The following KCNIP4 variants were observed in gnomAD, a reference collection of about 807,000 sequenced individuals.
KCNIP4 encodes Kv channel-interacting protein 4.
KCNIP4 carries 12 observed loss-of-function variants against 34.0 expected under a neutral mutation model. That is an observed-to-expected ratio of 0.35 (90% confidence interval 0.23 to 0.57). The LOEUF is 0.57. Ranked by LOEUF, KCNIP4 falls within the 20% of genes least tolerant of loss-of-function variation. The pLI is 0.83. For missense variants in KCNIP4, 238 were observed against 311.7 expected, an observed-to-expected ratio of 0.76 and a Z score of 1.78; for synonymous variants, 124 against 102.2, an observed-to-expected ratio of 1.21 and a Z score of -1.29.
chr4:21,061,544 A>C (rs1743916719), intron 1 of KCNIP4, among the ~76,000 whole-genome samples: 1 of 152,288 alleles, frequency 6.6e-6, no homozygotes. Flanking sequence ...TAGATGGAGA[A>C]GCAAGTAGAA....
intron 1 of KCNIP4, among the ~76,000 whole-genome samples, chr4:21,475,712 A>G (rs1250305487): frequency 6.6e-6 from 1 of 152,174 alleles, no homozygotes; most frequent in Non-Finnish European, 1.5e-5. Context: ...TCGCAGCTAC[A>G]GAGATGAAAG....
At chr4:21,918,122 C>G (rs28458895) in intron 1 of KCNIP4, among the ~76,000 whole-genome samples, 20,607 of 152,098 alleles carry the variant, frequency 0.14, 3,406 homozygotes, top group African/African-American at 0.39. Flanking sequence ...TTATGCCCAC[C>G]AAGGTGGTAG....
At chr4:21,121,581 A>G (rs1031157390) in intron 1 of KCNIP4, among the ~76,000 whole-genome samples, 2 of 152,262 alleles carry the variant, frequency 1.3e-5, no homozygotes, top group African/African-American at 4.8e-5. Context: ...AACATGTTTT[A>G]TTAAAATACT....
intron 1 of KCNIP4, among the ~76,000 whole-genome samples, chr4:21,853,591 C>T (rs762097835): frequency 1.3e-5 from 2 of 152,138 alleles, no homozygotes; most frequent in African/African-American, 4.8e-5. Context: ...CTTCCTATCA[C>T]ATTACTTATT....
intron 2 of KCNIP4, among the ~76,000 whole-genome samples, chr4:20,867,355 C>A (rs1272519929): frequency 6.6e-6 from 1 of 151,850 alleles, no homozygotes; most frequent in East Asian, 1.9e-4. Flanking sequence ...GAATAGAAAA[C>A]CCAGAAATAA....
Position 20,850,640 on chromosome 4 carries a change from G to A in KCNIP4, c.191C>T (p.Ala64Val), listed in dbSNP as rs375189591. 1 of 1,612,270 alleles carries A rather than the reference G, an allele frequency of 6.2e-7. No individual in the cohort carries two copies. The highest frequency in any genetic ancestry group is 1.7e-5 in the Admixed American group (1 of 59,916). The change falls in exon 3 of 9, where the codon GCC becomes GTC. Residue 64 changes from alanine to valine, a missense_variant. By Grantham distance (64) the Ala-to-Val change is moderately conservative (BLOSUM62 0). Coordinates refer to ENST00000382152, the MANE Select transcript of KCNIP4 (RefSeq NM_025221.6). Reference sequence around the variant, plus strand: ...GGCTTCAGGCCGATGCCTGACGGTGGCCATCTCCAGTTCATCTTCCACGCT... The same window carrying A: ...GGCTTCAGGCCGATGCCTGACGGTGACCATCTCCAGTTCATCTTCCACGCT... ...QNSVEDELEM[A>V]TVRHRPEALE...
At chr4:21,055,496 T>C (rs1377139541) in intron 1 of KCNIP4, among the ~76,000 whole-genome samples, 2 of 152,190 alleles carry the variant, frequency 1.3e-5, no homozygotes, top group Non-Finnish European at 2.9e-5. Context: ...TGTTCATAAT[T>C]GCTAAAACTG....
chr4:21,937,603 TGATATCCAA>T (rs1196701076), intron 1 of KCNIP4, among the ~76,000 whole-genome samples: 10 of 152,110 alleles, frequency 6.6e-5, no homozygotes, highest in Non-Finnish European at 1.5e-4. Context: ...TTCTCCACTT[TGATATCCAA>T]GAAGCCCTTA....
At chr4:21,708,679 A>G (rs1447264407) in intron 1 of KCNIP4, among the ~76,000 whole-genome samples, 1 of 152,124 alleles carries the variant, frequency 6.6e-6, no homozygotes, top group East Asian at 1.9e-4. Context: ...ACAAATCACA[A>G]GTGAGTCAAG....
intron 2 of KCNIP4, among the ~76,000 whole-genome samples, chr4:20,864,123 T>TATAC (rs1553908286): frequency 1.7e-5 from 2 of 120,512 alleles, no homozygotes; most frequent in Admixed American, 8.3e-5. Context: ...CATATCCATG[T>TATAC]ATACACATGT....
chr4:21,693,099 T>G (rs1711859355), intron 1 of KCNIP4, among the ~76,000 whole-genome samples: 2 of 94,134 alleles, frequency 2.1e-5, no homozygotes, highest in African/African-American at 4.2e-5. Context: ...TTGCTTAGGA[T>G]CACCTCTTCC....
At chr4:21,018,464 T>C (rs1447750904) in intron 1 of KCNIP4, among the ~76,000 whole-genome samples, 2 of 152,170 alleles carry the variant, frequency 1.3e-5, no homozygotes, top group East Asian at 3.9e-4. Flanking sequence ...ATGTTTGCAC[T>C]AAGGCCACAC....
In KCNIP4 at chr4:21,118,892, A is replaced by T. The variant is rs77362577; in HGVS notation, c.62-236183T>A. ...CTTGCCAGTGTTACAGTGGCATTTG[A>T]ATAAGAACCTAAGACCTTAGCCTCA... On this transcript the variant is annotated intron_variant, in intron 1 of 8. Transcript: ENST00000382152. Among the ~76,000 whole-genome samples the T allele has an allele frequency of 1.8e-3, 272 of 152,282 alleles. 2 individuals are homozygous for T. The highest frequency in any genetic ancestry group is 6.1e-3 in the African/African-American group (252 of 41,560).
chr4:21,506,093 C>T (rs951683843), intron 1 of KCNIP4, among the ~76,000 whole-genome samples: 13 of 152,182 alleles, frequency 8.5e-5, no homozygotes, highest in Non-Finnish European at 1.9e-4. Context: ...AAGAGCAAGA[C>T]TCCATCTCAA....
chr4:21,730,191 G>A (rs1330236105), intron 1 of KCNIP4: 1 of 152,082 alleles, frequency 6.6e-6, no homozygotes, highest in Admixed American at 6.6e-5. Context: ...TAAAATAAGT[G>A]CCTGGCTCAG....
At chr4:21,123,479 T>C (rs1750346404) in intron 1 of KCNIP4, among the ~76,000 whole-genome samples, 1 of 152,190 alleles carries the variant, frequency 6.6e-6, no homozygotes, top group East Asian at 1.9e-4. Context: ...CTCTTTACGC[T>C]CTTAAAAACT....
intron 1 of KCNIP4, among the ~76,000 whole-genome samples, chr4:21,739,972 G>A (rs1716286892): frequency 6.6e-6 from 1 of 152,068 alleles, no homozygotes; most frequent in Admixed American, 6.6e-5. Context: ...AACCATTAAA[G>A]CAATTGGTTT....
chr4:21,480,838 G>A (rs1011631091), intron 1 of KCNIP4, among the ~76,000 whole-genome samples: 6 of 152,164 alleles, frequency 3.9e-5, no homozygotes, highest in Admixed American at 1.3e-4. Context: ...TTGTAGAGAT[G>A]TGACTTAGTT....
chr4:21,686,586 T>C (rs1750818890), intron 1 of KCNIP4, among the ~76,000 whole-genome samples: 1 of 152,300 alleles, frequency 6.6e-6, no homozygotes, highest in South Asian at 2.1e-4. Context: ...ATAAGATGTA[T>C]GACTTTTTAA....
Sources: allele counts gnomAD v4.1 joint callset (sites outside exome capture counted in the v4.1 genomes callset), GRCh38; gene constraint gnomAD v4.1.1; transcripts MANE v1.5; gene names NCBI Gene and HGNC (gene_info 2026-07-23, HGNC 2026-07-21).